TMEM245: variants seen among roughly 807,000 people sequenced by gnomAD.
TMEM245 encodes protein CG-2.
A neutral mutation model predicts 101.2 loss-of-function variants in TMEM245; 69 were observed. The observed-to-expected ratio is 0.68, with a 90% CI of 0.56 to 0.83. TMEM245 has a LOEUF of 0.83. Among genes scored for constraint, TMEM245 ranks in the 40% least tolerant of loss-of-function variants. The pLI, the probability that TMEM245 is intolerant of heterozygous loss-of-function variation, is 0.00. For synonymous variants in TMEM245, 537 were observed against 449.8 expected, an observed-to-expected ratio of 1.19 and a Z score of -2.45; for missense variants, 1,075 against 1,092.8, an observed-to-expected ratio of 0.98 and a Z score of 0.23.
At chr9:109,032,190 T>C (rs7020097) in intron 17 of TMEM245, among the ~76,000 whole-genome samples, 9,377 of 152,114 alleles carry the variant, frequency 0.062, 372 homozygotes, top group South Asian at 0.14. Context: ...CATTGTATCA[T>C]TGGTTATCGA....
intron 12 of TMEM245, among the ~76,000 whole-genome samples, 176 bp from the exon 13 acceptor site, chr9:109,050,868 T>C (rs1189744238): frequency 6.6e-6 from 1 of 150,940 alleles, no homozygotes; most frequent in Admixed American, 6.6e-5. Context: ...AACAGTTGTA[T>C]ACTCAATAGT....
In TMEM245 at chr9:109,050,667, A is replaced by G. The variant is rs751209728; in HGVS notation, c.1880T>C (p.Met627Thr). The G allele has an allele frequency of 7.4e-6, 12 of 1,613,220 alleles. No individual in the cohort carries two copies. Among genetic ancestry groups the G allele is most frequent in the East Asian group, 2.2e-5 (1 of 44,844 alleles). The change falls in exon 13 of 18, where the codon ATG becomes ACG. Residue 627 changes from methionine (M) to threonine (T), a missense_variant. By Grantham distance (81) the Met-to-Thr change is moderately conservative (BLOSUM62 -1). Coordinates refer to ENST00000374586, the MANE Select transcript of TMEM245 (RefSeq NM_032012.4). Reference protein sequence around the residue: ...LSILESLWIVMSRNVSLLFTT... With the variant: ...LSILESLWIVTSRNVSLLFTT... ...GAACAGCAGGCTCACATTCCGGCTC[A>G]TAACGATCCACAGAGACTCCAAGAT...
intron 17 of TMEM245, among the ~76,000 whole-genome samples, chr9:109,026,855 T>G (rs986634286): frequency 6.6e-6 from 1 of 151,944 alleles, no homozygotes; most frequent in African/African-American, 2.4e-5. Flanking sequence ...TAGAAGAGCC[T>G]GTCATCTCTT....
chr9:109,063,752 A>T (rs17802358), intron 10 of TMEM245, among the ~76,000 whole-genome samples: 19,456 of 151,694 alleles, frequency 0.13, 1,651 homozygotes, highest in Middle Eastern at 0.21. Context: ...CCTCAAGCAC[A>T]CTCCTGTCTC....
At chr9:109,048,846 C>A (rs541946313) in intron 14 of TMEM245, among the ~76,000 whole-genome samples, 2 of 152,272 alleles carry the variant, frequency 1.3e-5, no homozygotes, top group Admixed American at 6.5e-5. Context: ...TGCCAGAAGT[C>A]ATAACGAAAA....
intron 12 of TMEM245, among the ~76,000 whole-genome samples, chr9:109,054,200 G>A (rs570552449): frequency 9.9e-5 from 15 of 152,258 alleles, no homozygotes; most frequent in Admixed American, 2.0e-4. Context: ...GTGTGGTGGT[G>A]TATGCCTGTA....
chr9:109,077,850 G>C (rs556698374), intron 8 of TMEM245, among the ~76,000 whole-genome samples: 62 of 152,258 alleles, frequency 4.1e-4, no homozygotes, highest in African/African-American at 1.4e-3. Flanking sequence ...GTTGGAACTT[G>C]CTTTTTATAT....
intron 17 of TMEM245, among the ~76,000 whole-genome samples, chr9:109,032,365 C>CTT (rs755399182): frequency 0.011 from 453 of 40,960 alleles, 157 homozygotes; most frequent in Non-Finnish European, 0.013. Context: ...ATTTCTTTTC[C>CTT]TTTTTTTTTT....
intron 7 of TMEM245, among the ~76,000 whole-genome samples, chr9:109,081,312 T>C (rs1157174788): frequency 6.6e-6 from 1 of 152,174 alleles, no homozygotes; most frequent in Non-Finnish European, 1.5e-5. Context: ...AGCTGTATCA[T>C]CAGTTTAACA....
At chr9:109,059,034 T>C (rs754455035) in intron 11 of TMEM245, among the ~76,000 whole-genome samples, 4 of 152,126 alleles carry the variant, frequency 2.6e-5, no homozygotes, top group Non-Finnish European at 5.9e-5. Flanking sequence ...AACCTATGCT[T>C]ATGAAACACT....
intron 14 of TMEM245, chr9:109,038,327 T>C (rs1033337545): frequency 3.2e-5 from 12 of 373,670 alleles, no homozygotes; most frequent in Admixed American, 2.3e-4. Flanking sequence ...ATGAAATATG[T>C]TTTATTTGGA....
At chr9:109,101,403 T>G (rs1455515143) in intron 3 of TMEM245, among the ~76,000 whole-genome samples, 2 of 152,148 alleles carry the variant, frequency 1.3e-5, no homozygotes, top group Non-Finnish European at 2.9e-5. Flanking sequence ...TATATTACAG[T>G]GACATCTACA....
intron 1 of TMEM245, among the ~76,000 whole-genome samples, chr9:109,117,867 T>A (rs1179416059): frequency 6.6e-6 from 1 of 152,260 alleles, no homozygotes; most frequent in Non-Finnish European, 1.5e-5. Flanking sequence ...CTTATTTTTC[T>A]TAGAACATAG....
intron 9 of TMEM245, among the ~76,000 whole-genome samples, chr9:109,067,048 C>T (rs1829192392): frequency 7.1e-6 from 1 of 141,048 alleles, no homozygotes; most frequent in Non-Finnish European, 1.5e-5. Flanking sequence ...AAGGGCAAGA[C>T]TCCATCTCAA....
intron 8 of TMEM245, among the ~76,000 whole-genome samples, chr9:109,080,254 G>A (rs533823845): frequency 6.6e-6 from 1 of 152,118 alleles, no homozygotes; most frequent in African/African-American, 2.4e-5. Context: ...TACCATAAAA[G>A]TGGGGGGGAA....
At chr9:109,041,315 C>A (rs1172129164) in intron 14 of TMEM245, among the ~76,000 whole-genome samples, 3 of 151,890 alleles carry the variant, frequency 2.0e-5, no homozygotes, top group Non-Finnish European at 2.9e-5. Context: ...CTGTCATTTG[C>A]GACAACGTAG....
chr9:109,060,736 T>C (rs1355493148), intron 10 of TMEM245, among the ~76,000 whole-genome samples: 1 of 152,204 alleles, frequency 6.6e-6, no homozygotes, highest in Non-Finnish European at 1.5e-5. Flanking sequence ...ATTGCTGACT[T>C]ATCTGATCTT....
chr9:109,109,745 C>T (rs1342046460), intron 1 of TMEM245, among the ~76,000 whole-genome samples: 1 of 152,090 alleles, frequency 6.6e-6, no homozygotes, highest in East Asian at 1.9e-4. Flanking sequence ...AGGTCAACAA[C>T]TGGGAAATGA....
Position 109,081,574 on chromosome 9 carries a change from A to C in TMEM245, c.1345-631T>G, listed in dbSNP as rs186567227. 2.5e-3 allele frequency among the ~76,000 whole-genome samples: 382 copies of C among 152,246 alleles called. 3 individuals are homozygous for C. Among genetic ancestry groups the C allele is most frequent in the African/African-American group, 8.8e-3 (364 of 41,570 alleles). ...TTGGGAGGTGAATGCACAATCAAGG[A>C]GGGGCACAAAACAGCCTTCAGGTTA... On this transcript the variant is annotated intron_variant, in intron 7 of 17. Transcript: ENST00000374586.
Sources: gnomAD v4.1 joint callset for allele counts (sites outside exome capture counted in the v4.1 genomes callset) on GRCh38, gnomAD v4.1.1 for gene constraint, MANE v1.5 for transcripts, NCBI Gene and HGNC (gene_info 2026-07-23, HGNC 2026-07-21) for gene names.